KLC1: variants seen among roughly 807,000 people sequenced by gnomAD.
KLC1 encodes the protein kinesin 2 60/70kDa.
Under a neutral mutation model 84.2 loss-of-function variants are expected in KLC1, and 30 were observed. The ratio of observed to expected loss-of-function variants is 0.36; its 90% confidence interval spans 0.27 to 0.48. The LOEUF (loss-of-function observed/expected upper bound fraction) is 0.48, where lower values mean the gene tolerates loss of function less well. Among genes scored for constraint, KLC1 ranks in the 20% least tolerant of loss-of-function variants. The pLI is 0.99. For synonymous variants in KLC1, 289 were observed against 293.3 expected (o/e 0.99, Z 0.15); for missense variants, 499 against 805.4 (o/e 0.62, Z 4.60).
rs747557858 is a variant in KLC1 at position 103,700,631 on chromosome 14, AACTCGTCTGTGCT to A, written c.1849-23_1849-11del. 1 of 1,598,928 alleles carries A rather than the reference AACTCGTCTGTGCT, an allele frequency of 6.3e-7. No homozygotes were observed. The highest frequency in any genetic ancestry group is 1.1e-5 in the South Asian group (1 of 89,856). On this transcript the variant is annotated splice_polypyrimidine_tract_variant and intron_variant, in intron 15 of 16. Coordinates refer to ENST00000334553, the MANE Select transcript of KLC1 (RefSeq NM_001394837.1). ...AGGGCCGCCTGCACGCCCTGAGTGA[AACTCGTCTGTGCT>A]TCATCTCCAGGGCGTCTCTGGCCGA...
In KLC1 at chr14:103,662,161, T is replaced by C. The variant is rs530629256; in HGVS notation, c.538T>C (p.Phe180Leu). ...TACCAAAGAGCCTCTGGATGACCTT[T>C]TCCCCAATGATGAAGACGACCCAGG... is the stretch of plus-strand genomic sequence containing the variant. ...DSTKEPLDDL[F>L]PNDEDDPGQG... The change falls in exon 4 of 17, where the codon TTC becomes CTC. Residue 180 changes from phenylalanine to leucine, a missense_variant. Physicochemically the swap from Phe to Leu is conservative, Grantham distance 22. Transcript: ENST00000334553. 1.9e-6 allele frequency: 3 copies of C among 1,613,968 alleles called. No individual in the cohort carries two copies. Among genetic ancestry groups the C allele is most frequent in the East Asian group, 4.5e-5 (2 of 44,866 alleles).
intron 13 of KLC1, chr14:103,679,755 T>C: frequency 1.9e-6 from 1 of 525,928 alleles, no homozygotes; most frequent in South Asian, 2.9e-5. Context: ...TGAAAGCTGT[T>C]TGGCTTAACT....
chr14:103,699,031 A>G, intron 15 of KLC1: 1 of 1,575,742 alleles, frequency 6.3e-7, no homozygotes, highest in Non-Finnish European at 8.6e-7. Context: ...AGAAACAGGA[A>G]GCAGGCAAGC....
intron 1 of KLC1, among the ~76,000 whole-genome samples, chr14:103,643,821 G>A (rs2077679673): frequency 6.6e-6 from 1 of 152,052 alleles, no homozygotes; most frequent in African/African-American, 2.4e-5. Flanking sequence ...CCAGCTACTC[G>A]GGAGGCTGAG....
intron 13 of KLC1, chr14:103,685,052 C>T (rs745833290): frequency 5.2e-6 from 8 of 1,547,532 alleles, no homozygotes; most frequent in East Asian, 2.4e-5. Context: ...TCCGAGCGGG[C>T]GGGGCGCAGG....
At position 103,631,537 on chromosome 14, in the gene KLC1, T is replaced by A. The variant is rs183471832; in HGVS notation, c.-2+2043T>A. On this transcript the variant is annotated intron_variant, in intron 1 of 16. Transcript: ENST00000334553. ...TAGAAAAATCAAAAGTTGAGTGAAA[T>A]GTATGATTAGTATCACCTGAAAACA... Among the ~76,000 whole-genome samples the A allele has an allele frequency of 2.4e-3, 372 of 152,294 alleles. 1 individual carries two copies. The highest frequency in any genetic ancestry group is 4.8e-3 in the Non-Finnish European group (324 of 68,030).
intron 9 of KLC1, among the ~76,000 whole-genome samples, chr14:103,675,261 G>A (rs1397052362): frequency 3.3e-5 from 5 of 152,154 alleles, no homozygotes; most frequent in African/African-American, 1.2e-4. Context: ...GGAGCTGGAG[G>A]TTGCAGCGAG....
chr14:103,672,943 G>C (rs2080543644), intron 7 of KLC1, 71 bp from the exon 8 acceptor site: 5 of 1,377,810 alleles, frequency 3.6e-6, no homozygotes, highest in Non-Finnish European at 5.1e-6. Context: ...ATCCTGATGT[G>C]ACAGTAGGGT....
At chr14:103,641,009 C>G (rs2077447287) in intron 1 of KLC1, among the ~76,000 whole-genome samples, 1 of 151,980 alleles carries the variant, frequency 6.6e-6, no homozygotes, top group African/African-American at 2.4e-5. Flanking sequence ...ACTGCAACCT[C>G]TGCCTTCTGG....
chr14:103,677,580 CT>C, intron 12 of KLC1, 57 bp downstream of exon 12: 1 of 960,442 alleles, frequency 1.0e-6, no homozygotes, highest in Non-Finnish European at 1.7e-6. Context: ...GAATGCTTCT[CT>C]TTTACATGAA....
chr14:103,683,736 T>A (rs2081556952), intron 13 of KLC1: 1 of 152,234 alleles, frequency 6.6e-6, no homozygotes, highest in Non-Finnish European at 1.5e-5. Context: ...GCTGGGGCCT[T>A]CTGAAGCAGC....
At chr14:103,691,805 T>C (rs1052988885) in intron 14 of KLC1, among the ~76,000 whole-genome samples, 1 of 148,070 alleles carries the variant, frequency 6.8e-6, no homozygotes, top group African/African-American at 2.4e-5. Flanking sequence ...AGGGTCTTGC[T>C]CTGTCTCCCA....
intron 1 of KLC1, among the ~76,000 whole-genome samples, chr14:103,648,522 C>G (rs1191099367): frequency 6.6e-6 from 1 of 152,056 alleles, no homozygotes; most frequent in African/African-American, 2.4e-5. Flanking sequence ...GTGGCTCATG[C>G]CTGTAATCGC....
chr14:103,696,568 G>A (rs1280428338), intron 15 of KLC1: 5 of 985,380 alleles, frequency 5.1e-6, no homozygotes, highest in Non-Finnish European at 6.0e-6. Flanking sequence ...TGTGAGCTGT[G>A]TGTACGCTGT....
chr14:103,701,092 C>A (rs1369336750), intron 16 of KLC1, 109 bp from the exon 17 acceptor site: 1 of 1,374,614 alleles, frequency 7.3e-7, no homozygotes, highest in African/African-American at 1.4e-5. Flanking sequence ...ACCCTCTTCT[C>A]TAGGCAGACT....
At chr14:103,684,922 T>G (rs371563830) in intron 13 of KLC1, 2 of 743,328 alleles carry the variant, frequency 2.7e-6, no homozygotes, top group Non-Finnish European at 4.9e-6. Flanking sequence ...CAAAAACTTA[T>G]GTTTTCTTGT....
In KLC1 at chr14:103,699,868, T is replaced by C. The variant is rs3212106; in HGVS notation, c.1849-787T>C. Reference sequence around the variant, plus strand: ...GTGCCAACACCGTCCTCTGTAGAGGTGTCCTTTGCGCAGGCTCCTGAGTCC... The same window carrying C: ...GTGCCAACACCGTCCTCTGTAGAGGCGTCCTTTGCGCAGGCTCCTGAGTCC... On this transcript the variant is annotated intron_variant, in intron 15 of 16. Coordinates refer to ENST00000334553, the MANE Select transcript of KLC1 (RefSeq NM_001394837.1). The C allele has an allele frequency of 9.9e-3, 4,620 of 465,546 alleles. 141 individuals carry two copies. The highest frequency in any genetic ancestry group is 0.069 in the African/African-American group (3,497 of 50,614). The allele number at this position is 465,546 out of a possible 1,614,324, so 28.8% of individuals were successfully genotyped here.
intron 1 of KLC1, among the ~76,000 whole-genome samples, chr14:103,647,942 CTAT>C (rs2078080085): frequency 1.3e-5 from 2 of 150,170 alleles, no homozygotes; most frequent in South Asian, 4.2e-4. Context: ...AAGACCAGGT[CTAT>C]TTGTATTGGG....
intron 7 of KLC1, 118 bp from the exon 8 acceptor site, chr14:103,672,896 C>G: frequency 1.2e-6 from 1 of 860,740 alleles, no homozygotes. Context: ...GGATTTAAAT[C>G]TGAAAGTGTA....
Sources: gnomAD v4.1 joint callset for allele counts (sites outside exome capture counted in the v4.1 genomes callset) on GRCh38, gnomAD v4.1.1 for gene constraint, MANE v1.5 for transcripts, NCBI Gene and HGNC (gene_info 2026-07-23, HGNC 2026-07-21) for gene names.